The following TMEM45B variants were observed in gnomAD, a reference collection of about 807,000 sequenced individuals.
The protein encoded by TMEM45B is transmembrane protein 45B.
TMEM45B carries 29 observed loss-of-function variants against 27.3 expected under a neutral mutation model. The observed-to-expected ratio is 1.06, with a 90% CI of 0.79 to 1.45. TMEM45B has a LOEUF of 1.45. TMEM45B is among the 40% of genes most tolerant of loss of function. The probability of loss-of-function intolerance (pLI) is 0.00; values close to 1 mark genes in which losing one functional copy is unlikely to be tolerated. For missense variants in TMEM45B, 348 were observed against 343.9 expected (o/e 1.01, Z -0.09); for synonymous variants, 143 against 134.7 (o/e 1.06, Z -0.43).
In TMEM45B at chr11:129,854,651, C is replaced by A; in HGVS notation, c.220C>A (p.His74Asn). ...EQFVPDGPHL[H>N]LYHENHWIKL... ...GTTTGTTCCGGATGGGCCCCACCTG[C>A]ACCTCTACCATGAGAACCACTGGAT... Residue 74 changes from histidine (H) to asparagine (N), a missense_variant, in exon 3 of 6, where the codon CAC becomes AAC. By Grantham distance (68) the His-to-Asn change is moderately conservative. Coordinates refer to ENST00000281441, the MANE Select transcript of TMEM45B (RefSeq NM_138788.5). 6.2e-7 allele frequency: 1 copy of A among 1,614,212 alleles called. No homozygotes were observed. Among genetic ancestry groups the A allele is most frequent in the African/African-American group, 1.3e-5 (1 of 75,056 alleles).
chr11:129,853,211 A>G (rs2562249), intron 2 of TMEM45B, among the ~76,000 whole-genome samples: 27,114 of 152,132 alleles, frequency 0.18, 2,491 homozygotes, highest in Middle Eastern at 0.21. Context: ...CCCCATTCCA[A>G]CAAGATCCAC....
At chr11:129,836,456 A>G (rs926231651) in intron 1 of TMEM45B, among the ~76,000 whole-genome samples, 4 of 152,164 alleles carry the variant, frequency 2.6e-5, no homozygotes, top group Non-Finnish European at 5.9e-5. Context: ...AAGGATATGG[A>G]TTTTCAGGGA....
intron 1 of TMEM45B, among the ~76,000 whole-genome samples, chr11:129,845,337 ATGTGTGTGTGTG>A (rs10628378): frequency 1.6e-5 from 2 of 121,462 alleles, no homozygotes; most frequent in African/African-American, 3.4e-5. Context: ...GCTATTATAG[ATGTGTGTGTGTG>A]TGTGTGTGTG....
intron 5 of TMEM45B, among the ~76,000 whole-genome samples, chr11:129,857,980 C>T (rs1350256380): frequency 2.0e-5 from 3 of 152,204 alleles, no homozygotes; most frequent in Admixed American, 6.5e-5. Context: ...AGCAGCTACA[C>T]TCTATTATCC....
At position 129,821,661 on chromosome 11, in the gene TMEM45B, A is replaced by G. The variant is rs147203472; in HGVS notation, c.-9+5763A>G. On this transcript the variant is annotated intron_variant, in intron 1 of 5. Coordinates refer to ENST00000281441, the MANE Select transcript of TMEM45B (RefSeq NM_138788.5). ...TGGCTGGGTATGGGATATTAATCAGAAATCATTTCCCGTACGAATTTTGAA... is the reference window on the plus strand; with the variant it reads ...TGGCTGGGTATGGGATATTAATCAGGAATCATTTCCCGTACGAATTTTGAA... 2.6e-3 allele frequency among the ~76,000 whole-genome samples: 397 copies of G among 152,296 alleles called. 3 individuals are homozygous for G. The highest frequency in any genetic ancestry group is 9.1e-3 in the African/African-American group (378 of 41,574).
intron 1 of TMEM45B, among the ~76,000 whole-genome samples, chr11:129,826,730 C>T (rs1407890006): frequency 6.4e-5 from 9 of 139,672 alleles, no homozygotes; most frequent in East Asian, 2.2e-4. Context: ...TTTTTTGAGA[C>T]GGAGTCTCGA....
chr11:129,820,084 C>T (rs376468138), intron 1 of TMEM45B, among the ~76,000 whole-genome samples: 3 of 151,694 alleles, frequency 2.0e-5, no homozygotes, highest in Non-Finnish European at 4.4e-5. Context: ...GAGGTCAAGG[C>T]GGGTGGATCA....
At chr11:129,856,904 G>A (rs1947936166) in intron 4 of TMEM45B, among the ~76,000 whole-genome samples, 1 of 148,804 alleles carries the variant, frequency 6.7e-6, no homozygotes, top group Admixed American at 6.7e-5. Context: ...CCGGGCTGGT[G>A]TGCAGTGTCA....
intron 1 of TMEM45B, among the ~76,000 whole-genome samples, chr11:129,824,232 G>C (rs1347717053): frequency 2.0e-5 from 3 of 152,142 alleles, no homozygotes; most frequent in African/African-American, 7.2e-5. Context: ...ATAGATTACT[G>C]TTTCTCAATC....
chr11:129,833,246 T>G (rs1331862762), intron 1 of TMEM45B, among the ~76,000 whole-genome samples: 1 of 99,304 alleles, frequency 1.0e-5, no homozygotes, highest in African/African-American at 3.3e-5. Context: ...TCTCAAAAAA[T>G]AAACAGAAAA....
At chr11:129,853,082 G>A (rs1947871415) in intron 2 of TMEM45B, 1 of 154,232 alleles carries the variant, frequency 6.5e-6, no homozygotes, top group South Asian at 2.0e-4. Flanking sequence ...CCAACCCACT[G>A]GCTTATCTTC....
At chr11:129,833,267 A>T (rs1947575843) in intron 1 of TMEM45B, among the ~76,000 whole-genome samples, 1 of 151,808 alleles carries the variant, frequency 6.6e-6, no homozygotes. Flanking sequence ...ATAAAAAAAA[A>T]AAAAGGAAAT....
chr11:129,856,018 G>GT, intron 4 of TMEM45B, 126 bp downstream of exon 4: 1 of 1,117,646 alleles, frequency 8.9e-7, no homozygotes, highest in Non-Finnish European at 1.3e-6. Flanking sequence ...ATGCAAAGGG[G>GT]TTTAGATGAC....
intron 1 of TMEM45B, among the ~76,000 whole-genome samples, chr11:129,821,178 G>A (rs1228293067): frequency 1.3e-5 from 2 of 152,182 alleles, no homozygotes; most frequent in Admixed American, 6.5e-5. Context: ...GGAATGGGGT[G>A]TAGGAGTTGC....
intron 1 of TMEM45B, among the ~76,000 whole-genome samples, chr11:129,833,460 A>C (rs528299769): frequency 6.6e-6 from 1 of 151,986 alleles, no homozygotes; most frequent in Non-Finnish European, 1.5e-5. Flanking sequence ...CAGTAATCCA[A>C]TATGACTGGT....
chr11:129,829,386 G>C (rs1266462264), intron 1 of TMEM45B, among the ~76,000 whole-genome samples: 1 of 152,298 alleles, frequency 6.6e-6, no homozygotes, highest in South Asian at 2.1e-4. Flanking sequence ...GGGCACATAG[G>C]AACATAATGT....
At chr11:129,826,567 A>AAAAAT (rs1199881268) in intron 1 of TMEM45B, among the ~76,000 whole-genome samples, 1,470 of 95,988 alleles carry the variant, frequency 0.015, 190 homozygotes, top group South Asian at 0.03. Context: ...AAAAAAAAAA[A>AAAAAT]AGGACCCTGA....
At position 129,834,813 on chromosome 11, in the gene TMEM45B, CAA is replaced by C. The variant is rs56304121; in HGVS notation, c.-8-17646_-8-17645del. On this transcript the variant is annotated intron_variant, in intron 1 of 5. Transcript: ENST00000281441. ...GTGACAGAGAGAGACTCCATCTCCACAAAAAAAAAAAAAAAAAGAGAGAGAAA... is the reference window on the plus strand; with the variant it reads ...GTGACAGAGAGAGACTCCATCTCCACAAAAAAAAAAAAAAAGAGAGAGAAA... Among the ~76,000 whole-genome samples, 243 of 132,030 alleles carry C rather than the reference CAA, an allele frequency of 1.8e-3. 1 individual carries two copies. Among genetic ancestry groups the C allele is most frequent in the East Asian group, 0.013 (56 of 4,320 alleles). 86.6% of individuals were successfully genotyped at this position (132,030 alleles called of 152,430 possible).
At chr11:129,823,225 CT>C (rs1565362347) in intron 1 of TMEM45B, among the ~76,000 whole-genome samples, 1 of 152,176 alleles carries the variant, frequency 6.6e-6, no homozygotes, top group African/African-American at 2.4e-5. Context: ...CAATTTTTCC[CT>C]TCTGCAGCCC....
Sources: allele counts gnomAD v4.1 joint callset (sites outside exome capture counted in the v4.1 genomes callset), GRCh38; gene constraint gnomAD v4.1.1; transcripts MANE v1.5; gene names NCBI Gene and HGNC (gene_info 2026-07-23, HGNC 2026-07-21).